The following GFRA2 variants were observed in gnomAD, a reference collection of about 807,000 sequenced individuals.
GFRA2 encodes GDNF family receptor alpha 2, also known as GDNF family receptor alpha-2.
A neutral mutation model predicts 48.3 loss-of-function variants in GFRA2; 17 were observed. That is an observed-to-expected ratio of 0.35 (90% CI 0.24 to 0.53). The LOEUF is 0.53. Among genes scored for constraint, GFRA2 ranks in the 20% least tolerant of loss-of-function variants. The pLI, the probability that GFRA2 is intolerant of heterozygous loss-of-function variation, is 0.93. For missense variants in GFRA2, 660 were observed against 637.3 expected (o/e 1.04, Z -0.38); for synonymous variants, 305 against 257.2 (o/e 1.19, Z -1.78).
chr8:21,790,164 C>A (rs1399319784), upstream of GFRA2: 7 of 904,396 alleles, frequency 7.7e-6, no homozygotes, highest in South Asian at 5.1e-5. Context: ...GGTGCGGCTG[C>A]GGTCACGTTC....
At chr8:21,731,786 A>G (rs1804209322) in intron 4 of GFRA2, among the ~76,000 whole-genome samples, 1 of 152,244 alleles carries the variant, frequency 6.6e-6, no homozygotes, top group Non-Finnish European at 1.5e-5. Context: ...GTGACAGCAA[A>G]CAGCGAAGGA....
intron 1 of GFRA2, among the ~76,000 whole-genome samples, chr8:21,807,638 C>T (rs1807896623): frequency 6.6e-6 from 1 of 152,218 alleles, no homozygotes; most frequent in South Asian, 2.1e-4. Context: ...TGTGTCCTCA[C>T]ATCGCCTTTC....
At chr8:21,785,359 A>G (rs1807220491) in intron 1 of GFRA2, among the ~76,000 whole-genome samples, 2 of 152,114 alleles carry the variant, frequency 1.3e-5, no homozygotes, top group African/African-American at 4.8e-5. Context: ...TCCATTCACC[A>G]AACCATCCTT....
intron 4 of GFRA2, among the ~76,000 whole-genome samples, chr8:21,742,759 G>A (rs1377360250): frequency 3.3e-5 from 5 of 152,162 alleles, no homozygotes; most frequent in Admixed American, 2.0e-4. Context: ...TGCCACGAAT[G>A]GGTCACTCCT....
At chr8:21,723,579 G>T (rs1181829961) in intron 4 of GFRA2, among the ~76,000 whole-genome samples, 3 of 152,214 alleles carry the variant, frequency 2.0e-5, no homozygotes, top group Admixed American at 6.5e-5. Context: ...CAGGACCCCA[G>T]GACAGGGCAG....
chr8:21,690,535 C>T lies in GFRA2; in HGVS notation c.*2743G>A, dbSNP rs544111656. 12 of 152,326 alleles carry T rather than the reference C, an allele frequency of 7.9e-5. No homozygotes were observed. In the South Asian group the frequency reaches 2.5e-3, roughly 32 times the overall value. The allele number at this position is 152,326 out of a possible 1,614,324, so 9.4% of individuals were successfully genotyped here. On this transcript the variant is annotated 3_prime_UTR_variant, in exon 9 of 9. Coordinates refer to ENST00000524240, the MANE Select transcript of GFRA2 (RefSeq NM_001495.5). ...GCCATGTGATACTTGGATAGGGAGA[C>T]ATTTGAGGGCAGAGTAAAGCTAGCT...
chr8:21,777,715 G>T (rs1806777205), intron 2 of GFRA2, among the ~76,000 whole-genome samples: 2 of 152,210 alleles, frequency 1.3e-5, no homozygotes, highest in South Asian at 2.1e-4. Flanking sequence ...TGGCAGTGAG[G>T]AAAACGGGGC....
chr8:21,768,768 C>A (rs1230544174), intron 3 of GFRA2, among the ~76,000 whole-genome samples: 1 of 152,112 alleles, frequency 6.6e-6, no homozygotes, highest in African/African-American at 2.4e-5. Context: ...CCCTAGGGAC[C>A]CGAGACCCCT....
Position 21,693,065 on chromosome 8 carries a change from G to A in GFRA2, c.*213C>T, listed in dbSNP as rs534350547. The A allele has an allele frequency of 7.5e-6, 3 of 397,880 alleles. No individual in the cohort carries two copies. The East Asian group carries it at 1.4e-4, about 18-fold the overall frequency. 24.6% of individuals were successfully genotyped at this position (397,880 alleles called of 1,614,324 possible). A position where few individuals can be genotyped will look rare whatever the true frequency, so the allele number is the denominator to read the frequency against. Reference sequence around the variant, plus strand: ...GAGTTTCCCCTGCCAGGGGACCCCTGGGCCAGCTCTCAGGCTGCCTGCCTG... The same window carrying A: ...GAGTTTCCCCTGCCAGGGGACCCCTAGGCCAGCTCTCAGGCTGCCTGCCTG... On this transcript the variant is annotated 3_prime_UTR_variant, in exon 9 of 9. Transcript: ENST00000524240.
intron 8 of GFRA2, 48 bp downstream of exon 8, chr8:21,694,416 C>T (rs373349089): frequency 6.4e-7 from 1 of 1,557,560 alleles, no homozygotes; most frequent in East Asian, 2.3e-5. Context: ...ATGCCGCCCC[C>T]CACCGGCCCA....
chr8:21,718,222 C>A (rs1803426917), intron 4 of GFRA2, among the ~76,000 whole-genome samples: 1 of 152,176 alleles, frequency 6.6e-6, no homozygotes, highest in African/African-American at 2.4e-5. Context: ...GTAAGTCTCA[C>A]AAGATCTGAT....
intron 3 of GFRA2, among the ~76,000 whole-genome samples, chr8:21,753,036 C>CA (rs1226936544): frequency 3.3e-5 from 5 of 152,166 alleles, no homozygotes; most frequent in Non-Finnish European, 5.9e-5. Context: ...TCTCTCATCA[C>CA]AGCAGCTGGA....
chr8:21,792,746 C>T (rs1296640981), upstream of GFRA2, among the ~76,000 whole-genome samples: 1 of 152,138 alleles, frequency 6.6e-6, no homozygotes, highest in Non-Finnish European at 1.5e-5. Context: ...GAGCAAACAG[C>T]AGAGGCAAGA....
At chr8:21,786,025 T>C (rs1807251168) in intron 1 of GFRA2, among the ~76,000 whole-genome samples, 1 of 152,112 alleles carries the variant, frequency 6.6e-6, no homozygotes, top group African/African-American at 2.4e-5. Context: ...TCAGTATCTG[T>C]GGTCACTCCA....
At chr8:21,753,211 C>T (rs907288884) in intron 3 of GFRA2, among the ~76,000 whole-genome samples, 1 of 152,290 alleles carries the variant, frequency 6.6e-6, no homozygotes, top group South Asian at 2.1e-4. Context: ...AAATGCTGTC[C>T]GCTCACCACA....
At chr8:21,716,081 G>A (rs1423894076) in intron 4 of GFRA2, among the ~76,000 whole-genome samples, 2 of 152,164 alleles carry the variant, frequency 1.3e-5, no homozygotes, top group East Asian at 3.9e-4. Flanking sequence ...CTAGCACTTT[G>A]GGAAGCAGAG....
At chr8:21,775,810 T>TG (rs1167179353) in intron 2 of GFRA2, among the ~76,000 whole-genome samples, 1 of 151,890 alleles carries the variant, frequency 6.6e-6, no homozygotes, top group Non-Finnish European at 1.5e-5. Flanking sequence ...TTGGGTGCCT[T>TG]GGGGGCTCAG....
chr8:21,744,587 A>ACACACACACACACACACAC (rs1804909903), intron 4 of GFRA2, among the ~76,000 whole-genome samples: 15 of 139,482 alleles, frequency 1.1e-4, no homozygotes, highest in African/African-American at 3.5e-4. Flanking sequence ...ACACACACAC[A>ACACACACACACACACACAC]ATCTGAGCCC....
chr8:21,736,574 C>T (rs987035215), intron 4 of GFRA2, among the ~76,000 whole-genome samples: 1 of 152,076 alleles, frequency 6.6e-6, no homozygotes, highest in African/African-American at 2.4e-5. Flanking sequence ...TAGCTCACAG[C>T]AGCCTCGAAC....
Sources: allele counts gnomAD v4.1 joint callset (sites outside exome capture counted in the v4.1 genomes callset), GRCh38; gene constraint gnomAD v4.1.1; transcripts MANE v1.5; gene names NCBI Gene and HGNC (gene_info 2026-07-23, HGNC 2026-07-21).